OR2B11: variants seen among roughly 807,000 people sequenced by gnomAD.
OR2B11 encodes olfactory receptor family 2 subfamily B member 11.
For missense variants in OR2B11, 422 were observed against 400.0 expected (o/e 1.05, Z -0.47); for synonymous variants, 198 against 174.5 (o/e 1.13, Z -1.06).
At position 247,451,434 on chromosome 1, in the gene OR2B11, A is replaced by G. The variant is rs1664843474; in HGVS notation, c.549T>C (p.Cys183=). The G allele has an allele frequency of 1.2e-6, 2 of 1,613,994 alleles. No individual in the cohort carries two copies. Among genetic ancestry groups the G allele is most frequent in the South Asian group, 2.2e-5 (2 of 91,082 alleles). ...ACAGCTTGATCACGGCCGGCACCTC[A>G]CAGAAAAAGTTGTTCAGCACCTGCC... is the stretch of plus-strand genomic sequence containing the variant. The part of the protein sequence containing the change: ...CGRQVLNNFF[C]EVPAVIKLSC... Residue 183 remains cysteine (C), a synonymous_variant, in exon 2 of 2, where the codon TGT becomes TGC. Coordinates refer to ENST00000641149, the MANE Select transcript of OR2B11 (RefSeq NM_001004492.2).
chr1:247,456,892 C>T (rs1664974619), intron 1 of OR2B11, among the ~76,000 whole-genome samples: 1 of 152,152 alleles, frequency 6.6e-6, no homozygotes, highest in South Asian at 2.1e-4. Context: ...ATGAGGAATG[C>T]AATTAATTCA....
At position 247,452,799 on chromosome 1, in the gene OR2B11, G is replaced by T. The variant is rs1171045845; in HGVS notation, c.-817C>A. The stretch of plus-strand genomic sequence containing the variant: ...AAAGCTCTTGATTGGCGTGAGAAAG[G>T]TAGCCCCTGGAATTGTCTACGGAAA... On this transcript the variant is annotated 5_prime_UTR_variant, in exon 2 of 2. The change creates a premature stop within an existing upstream ORF in the 5' untranslated region. Transcript: ENST00000641149. 1.3e-5 allele frequency: 2 copies of T among 152,256 alleles called. No homozygotes were observed. The highest frequency in any genetic ancestry group is 1.3e-4 in the Admixed American group (2 of 15,280). 9.4% of individuals were successfully genotyped at this position (152,256 alleles called of 1,614,324 possible). A position where few individuals can be genotyped will look rare whatever the true frequency, so the allele number is the denominator to read the frequency against.
rs541337401 is a variant in OR2B11, at chr1:247,449,566, C to G, written c.*1463G>C. 3.9e-5 allele frequency: 6 copies of G among 152,244 alleles called. No homozygotes were observed. Among genetic ancestry groups the G allele is most frequent in the Admixed American group, 2.0e-4 (3 of 15,292 alleles). 9.4% of individuals were successfully genotyped at this position (152,244 alleles called of 1,614,324 possible). ...ATCAAAGTAGCCACACTTTGCTACT[C>G]AAAGTGTAGTCTATGAACTGTCGAT... On this transcript the variant is annotated 3_prime_UTR_variant, in exon 2 of 2. Transcript: ENST00000641149.
chr1:247,455,541 A>G (rs1664949686), intron 1 of OR2B11, among the ~76,000 whole-genome samples: 1 of 152,120 alleles, frequency 6.6e-6, no homozygotes, highest in Non-Finnish European at 1.5e-5. Context: ...ATTTGTTTGC[A>G]TTTGCAGTCC....
chr1:247,451,834 A>G lies in OR2B11; in HGVS notation c.149T>C (p.Ile50Thr), dbSNP rs567974052. The part of the protein sequence containing the change: ...VLAMLGNVAI[I>T]LASRVDPQLH... The stretch of plus-strand genomic sequence containing the variant: ...TTGAGGATCCACCCGGGATGCCAGG[A>G]TGATGGCGACGTTCCCCAACATGGC... The change falls in exon 2 of 2, where the codon ATC (isoleucine) becomes ACC (threonine). Residue 50 changes from isoleucine to threonine, a missense_variant. By Grantham distance (89) the Ile-to-Thr change is moderately conservative. Transcript: ENST00000641149. 6.2e-7 allele frequency: 1 copy of G among 1,614,158 alleles called. No individual in the cohort carries two copies. Among genetic ancestry groups the G allele is most frequent in the Non-Finnish European group, 8.5e-7 (1 of 1,180,040 alleles).
chr1:247,451,151 T>C lies in OR2B11; in HGVS notation c.832A>G (p.Ile278Val). The C allele has an allele frequency of 1.3e-6, 2 of 1,533,478 alleles. No individual in the cohort carries two copies. The highest frequency in any genetic ancestry group is 1.8e-6 in the Non-Finnish European group (2 of 1,140,208). The allele number at this position is 1,533,478 out of a possible 1,614,324, so 95.0% of individuals were successfully genotyped here. Residue 278 changes from isoleucine to valine, a missense_variant, in exon 2 of 2, where the codon ATT becomes GTT. Physicochemically the swap from Ile to Val is conservative, Grantham distance 29 (BLOSUM62 3). Transcript: ENST00000641149. The part of the protein sequence containing the change: ...SSYSQEQGKF[I>V]SLFYSIITPT... ...GTGATTATGGAATAGAAGAGAGAAA[T>C]AAATTTGCCCTGCTCTTGGGAGTAG...
Position 247,451,144 on chromosome 1 carries a change from A to G in OR2B11, c.839T>C (p.Leu280Pro). The G allele has an allele frequency of 6.5e-7, 1 of 1,533,884 alleles. No individual in the cohort carries two copies. The highest frequency in any genetic ancestry group is 8.8e-7 in the Non-Finnish European group (1 of 1,140,492). ...AGTGGGGGTGATTATGGAATAGAAG[A>G]GAGAAATAAATTTGCCCTGCTCTTG... ...YSQEQGKFIS[L>P]FYSIITPTLN... is the part of the protein sequence containing the mutation. The change falls in exon 2 of 2, where the codon CTC (leucine) becomes CCC (proline). Residue 280 changes from leucine (L) to proline (P), a missense_variant. Transcript: ENST00000641149.
Position 247,454,862 on chromosome 1 carries a change from A to G in OR2B11, c.-2880T>C, listed in dbSNP as rs551351767. The G allele has an allele frequency of 6.6e-6, 1 of 152,150 alleles. No homozygotes were observed. The highest frequency in any genetic ancestry group is 1.5e-5 in the Non-Finnish European group (1 of 68,034). 9.4% of individuals were successfully genotyped at this position (152,150 alleles called of 1,614,324 possible). A position where few individuals can be genotyped will look rare whatever the true frequency, so the allele number is the denominator to read the frequency against. On this transcript the variant is annotated 5_prime_UTR_variant, in exon 2 of 2. Transcript: ENST00000641149. Reference sequence around the variant, plus strand: ...CAACCCCTCACTCACCCTCACACGAAGTCATCTTTCTGAGACTCAGGCCTT... The same window carrying G: ...CAACCCCTCACTCACCCTCACACGAGGTCATCTTTCTGAGACTCAGGCCTT...
Position 247,450,785 on chromosome 1 carries a change from T to A in OR2B11, c.*244A>T. 2.9e-6 allele frequency: 1 copy of A among 339,124 alleles called. No homozygotes were observed. The allele number at this position is 339,124 out of a possible 1,614,324, so 21.0% of individuals were successfully genotyped here. ...ATCAGGAAATTGGAAGTGAAATAAT[T>A]CCACACATACTTATTGAAGTCTATT... On this transcript the variant is annotated 3_prime_UTR_variant, in exon 2 of 2. Transcript: ENST00000641149.
At position 247,451,770 on chromosome 1, in the gene OR2B11, G is replaced by A; in HGVS notation, c.213C>T (p.Ser71=). The change falls in exon 2 of 2, where the codon TCC becomes TCT. Residue 71 remains serine (S), a synonymous_variant. Transcript: ENST00000641149. ...SPMYIFLSHL[S]FLDLCYTTTT... is the part of the protein sequence containing the mutation. Reference sequence around the variant, plus strand: ...TGGTGGTGTAGCAGAGGTCCAGGAAGGACAGGTGACTGAGGAAGATGTACA... The same window carrying A: ...TGGTGGTGTAGCAGAGGTCCAGGAAAGACAGGTGACTGAGGAAGATGTACA... 1.2e-6 allele frequency: 2 copies of A among 1,614,204 alleles called. No individual in the cohort carries two copies. The highest frequency in any genetic ancestry group is 8.5e-7 in the Non-Finnish European group (1 of 1,180,026).
rs1252600118 is a variant in OR2B11 at position 247,457,775 on chromosome 1, GC to G, written c.-3220del. On this transcript the variant is annotated 5_prime_UTR_variant, in exon 1 of 2. It removes the in-frame stop codon of an upstream open reading frame in the 5' UTR. Transcript: ENST00000641149. Reference sequence around the variant, plus strand: ...GCTCTTCATATTCCAGGAACACACAGCACATTTCCTCTGATGGGCTGCTGGG... The same window carrying G: ...GCTCTTCATATTCCAGGAACACACAGACATTTCCTCTGATGGGCTGCTGGG... The G allele has an allele frequency of 6.6e-6, 1 of 152,244 alleles. No homozygotes were observed. The highest frequency in any genetic ancestry group is 1.9e-4 in the East Asian group (1 of 5,194). 9.4% of individuals were successfully genotyped at this position (152,244 alleles called of 1,614,324 possible).
rs1664888344 is a variant in OR2B11 at position 247,453,250 on chromosome 1, C to G, written c.-1268G>C. On this transcript the variant is annotated 5_prime_UTR_variant, in exon 2 of 2. Coordinates refer to ENST00000641149, the MANE Select transcript of OR2B11 (RefSeq NM_001004492.2). Reference sequence around the variant, plus strand: ...GATCTGCTCAGCTTACATGTTGCAACAGGTGTTCCCTGCTGCCCCAGTTGA... The same window carrying G: ...GATCTGCTCAGCTTACATGTTGCAAGAGGTGTTCCCTGCTGCCCCAGTTGA... 1 of 152,200 alleles carries G rather than the reference C, an allele frequency of 6.6e-6. No homozygotes were observed. The highest frequency in any genetic ancestry group is 1.5e-5 in the Non-Finnish European group (1 of 68,048). The allele number at this position is 152,200 out of a possible 1,614,324, so 9.4% of individuals were successfully genotyped here.
chr1:247,451,515 G>T lies in OR2B11; in HGVS notation c.468C>A (p.Gly156=). The part of the protein sequence containing the change: ...QQLVALAWLS[G]FGNSFVQVVL... ...CCACCTGCACGAAGGAGTTGCCGAAGCCACTGAGCCAGGCCAGAGCCACGA... is the reference window on the plus strand; with the variant it reads ...CCACCTGCACGAAGGAGTTGCCGAATCCACTGAGCCAGGCCAGAGCCACGA... Residue 156 remains glycine (G), a synonymous_variant, in exon 2 of 2, where the codon GGC becomes GGA. Coordinates refer to ENST00000641149, the MANE Select transcript of OR2B11 (RefSeq NM_001004492.2). The T allele has an allele frequency of 6.2e-7, 1 of 1,614,216 alleles. No individual in the cohort carries two copies. The highest frequency in any genetic ancestry group is 8.5e-7 in the Non-Finnish European group (1 of 1,180,034).
rs1244554418 is a variant in OR2B11, at chr1:247,454,622, G to C, written c.-2640C>G. On this transcript the variant is annotated 5_prime_UTR_variant, in exon 2 of 2. Transcript: ENST00000641149. ...TTCCCTTCAGTCACCGTGATGCCAA[G>C]TACTGAGGTTCTTTCTATTCATGTT... is the stretch of plus-strand genomic sequence containing the variant. The C allele has an allele frequency of 1.3e-5, 2 of 152,216 alleles. No individual in the cohort carries two copies. Among genetic ancestry groups the C allele is most frequent in the African/African-American group, 4.8e-5 (2 of 41,430 alleles). The allele number at this position is 152,216 out of a possible 1,614,324, so 9.4% of individuals were successfully genotyped here. A position where few individuals can be genotyped will look rare whatever the true frequency, so the allele number is the denominator to read the frequency against.
At position 247,451,183 on chromosome 1, in the gene OR2B11, G is replaced by C; in HGVS notation, c.800C>G (p.Pro267Arg). 6.4e-7 allele frequency: 1 copy of C among 1,559,228 alleles called. No homozygotes were observed. Among genetic ancestry groups the C allele is most frequent in the Non-Finnish European group, 8.7e-7 (1 of 1,151,300 alleles). ...GCCCTGCTCTTGGGAGTAGCTGGAA[G>C]GGGGCTGCAGATACATGTAAATCGC... ...LPAIYMYLQP[P>R]SSYSQEQGKF... Residue 267 changes from proline to arginine, a missense_variant, in exon 2 of 2, where the codon CCT (proline) becomes CGT (arginine). Physicochemically the swap from Pro to Arg is moderately radical, Grantham distance 103. Coordinates refer to ENST00000641149, the MANE Select transcript of OR2B11 (RefSeq NM_001004492.2).
At position 247,453,322 on chromosome 1, in the gene OR2B11, G is replaced by A. The variant is rs539068256; in HGVS notation, c.-1340C>T. ...TACTGGAAAACAACTCAAACTCCAG[G>A]GTTTCAATGGAGGAATAAGTTCAGT... is the stretch of plus-strand genomic sequence containing the variant. On this transcript the variant is annotated 5_prime_UTR_variant, in exon 2 of 2. Transcript: ENST00000641149. 53 of 152,180 alleles carry A rather than the reference G, an allele frequency of 3.5e-4. No individual in the cohort carries two copies. Among genetic ancestry groups the A allele is most frequent in the African/African-American group, 1.2e-3 (51 of 41,520 alleles). The allele number at this position is 152,180 out of a possible 1,614,324, so 9.4% of individuals were successfully genotyped here. A position where few individuals can be genotyped will look rare whatever the true frequency, so the allele number is the denominator to read the frequency against.
rs1178163007 is a variant in OR2B11 at position 247,450,697 on chromosome 1, T to C, written c.*332A>G. The C allele has an allele frequency of 5.3e-6, 1 of 189,522 alleles. No homozygotes were observed. Among genetic ancestry groups the C allele is most frequent in the Admixed American group, 6.1e-5 (1 of 16,296 alleles). The allele number at this position is 189,522 out of a possible 1,614,324, so 11.7% of individuals were successfully genotyped here. A position where few individuals can be genotyped will look rare whatever the true frequency, so the allele number is the denominator to read the frequency against. On this transcript the variant is annotated 3_prime_UTR_variant, in exon 2 of 2. Coordinates refer to ENST00000641149, the MANE Select transcript of OR2B11 (RefSeq NM_001004492.2). The stretch of plus-strand genomic sequence containing the variant: ...GCTTCATCTTGTGTATACTTAGGAG[T>C]AATAGAAAAGAGACAAATGGGGAGA...
chr1:247,454,998 G>T lies in OR2B11; in HGVS notation c.-3016C>A, dbSNP rs568566904. ...ACGCTGAATTCCCGCAGTTTCTTCT[G>T]GGGGCTGCTGGCAGGCTAGGCTGTG... On this transcript the variant is annotated 5_prime_UTR_variant, in exon 2 of 2. Transcript: ENST00000641149. 2.6e-5 allele frequency: 4 copies of T among 152,316 alleles called. No homozygotes were observed. In the South Asian group the frequency reaches 8.3e-4, roughly 32 times the overall value. 9.4% of individuals were successfully genotyped at this position (152,316 alleles called of 1,614,324 possible). A position where few individuals can be genotyped will look rare whatever the true frequency, so the allele number is the denominator to read the frequency against.
rs773631659 is a variant in OR2B11, at chr1:247,451,744, G to A, written c.239C>T (p.Thr80Met). ...GTTGACCAGCATCTGAGGGACTGTC[G>A]TGGTGGTGTAGCAGAGGTCCAGGAA... is the stretch of plus-strand genomic sequence containing the variant. ...LSFLDLCYTT[T>M]TVPQMLVNMG... Residue 80 changes from threonine (T) to methionine (M), a missense_variant, in exon 2 of 2, where the codon ACG (threonine) becomes ATG (methionine). Transcript: ENST00000641149. 6.8e-6 allele frequency: 11 copies of A among 1,614,096 alleles called. No individual in the cohort carries two copies. In the African/African-American group the frequency reaches 1.1e-4, roughly 16 times the overall value.
Sources: gnomAD v4.1 joint callset for allele counts (sites outside exome capture counted in the v4.1 genomes callset) on GRCh38, gnomAD v4.1.1 for gene constraint, MANE v1.5 for transcripts, NCBI Gene and HGNC (gene_info 2026-07-23, HGNC 2026-07-21) for gene names.